Variants in GLDC observed in about 807,000 individuals in gnomAD.
GLDC encodes the protein glycine dehydrogenase (decarboxylating), mitochondrial.
In GLDC, 104 loss-of-function variants were observed where a neutral mutation model predicts 121.3. The ratio of observed to expected loss-of-function variants is 0.86; its 90% CI spans 0.73 to 1.01. GLDC has a LOEUF of 1.01. Ranked by LOEUF, GLDC falls within the 50% of genes least tolerant of loss-of-function variation. The pLI is 0.00. For missense variants in GLDC, 1,429 were observed against 1,306.6 expected, an observed-to-expected ratio of 1.09 and a Z score of -1.44; for synonymous variants, 546 against 480.6, an observed-to-expected ratio of 1.14 and a Z score of -1.78.
intron 15 of GLDC, chr9:6,565,717 GTTA>G: frequency 1.7e-6 from 1 of 579,040 alleles, no homozygotes. Context: ...ATAGCCTTTT[GTTA>G]TTATGAAAAA....
At chr9:6,610,017 T>C (rs1818818715) in intron 4 of GLDC, among the ~76,000 whole-genome samples, 175 bp downstream of exon 4, 1 of 152,174 alleles carries the variant, frequency 6.6e-6, no homozygotes, top group Non-Finnish European at 1.5e-5. Flanking sequence ...AGAAGGACCC[T>C]GAGAGGAAAT....
chr9:6,623,339 C>T (rs1210149819), intron 2 of GLDC, among the ~76,000 whole-genome samples: 1 of 141,718 alleles, frequency 7.1e-6, no homozygotes, highest in Non-Finnish European at 1.5e-5. Flanking sequence ...CTCTCTGAAA[C>T]ATGTGCTGTG....
chr9:6,558,427 C>G (rs1817679886), intron 17 of GLDC, 132 bp downstream of exon 17: 1 of 1,041,798 alleles, frequency 9.6e-7, no homozygotes, highest in Non-Finnish European at 1.5e-6. Flanking sequence ...AGAGTAGACT[C>G]TGGTCAAAGG....
chr9:6,624,031 G>T (rs993559257), intron 2 of GLDC, among the ~76,000 whole-genome samples: 1 of 152,208 alleles, frequency 6.6e-6, no homozygotes, highest in Non-Finnish European at 1.5e-5. Flanking sequence ...CTGTCAAACT[G>T]AGTTTAGCCT....
In GLDC at chr9:6,620,209, G is replaced by A. The variant is rs183024300; in HGVS notation, c.445C>T (p.Arg149Trp). 3.8e-5 allele frequency: 62 copies of A among 1,613,174 alleles called. No individual in the cohort carries two copies. The highest frequency in any genetic ancestry group is 6.7e-5 in the East Asian group (3 of 44,874). Residue 149 changes from arginine (R) to tryptophan (W), a missense_variant, in exon 3 of 25, where the codon CGG (arginine) becomes TGG (tryptophan). Coordinates refer to ENST00000321612, the MANE Select transcript of GLDC (RefSeq NM_000170.3). Reference protein sequence around the residue: ...YNCSVPQTILRNLLENSGWIT... With the variant: ...YNCSVPQTILWNLLENSGWIT... ...CATCCTGAGTTCTCCAGTAAGTTCC[G>A]CAAAATCGTCTGTGGCACTGAGCAG...
At chr9:6,619,007 C>CT (rs1353530644) in intron 3 of GLDC, among the ~76,000 whole-genome samples, 2 of 151,672 alleles carry the variant, frequency 1.3e-5, no homozygotes, top group Non-Finnish European at 2.9e-5. Context: ...CCCAGGCACA[C>CT]TGGCAGGCAC....
intron 20 of GLDC, among the ~76,000 whole-genome samples, chr9:6,552,970 G>C (rs990916172): frequency 3.3e-5 from 5 of 151,290 alleles, no homozygotes; most frequent in Non-Finnish European, 7.4e-5. Context: ...ATATATAGCA[G>C]GATCTCAGCA....
intron 3 of GLDC, among the ~76,000 whole-genome samples, chr9:6,611,437 TCC>T (rs1818852699): frequency 6.6e-6 from 1 of 152,000 alleles, no homozygotes; most frequent in Admixed American, 6.6e-5. Flanking sequence ...GTGCCTGTAG[TCC>T]CAGCTACTCA....
At chr9:6,591,784 A>G (rs4504696) in intron 11 of GLDC, 3,660 of 287,432 alleles carry the variant, frequency 0.013, 120 homozygotes, top group African/African-American at 0.075. Context: ...GGGTTTCTCC[A>G]TGTTGGTCAG....
intron 20 of GLDC, among the ~76,000 whole-genome samples, chr9:6,553,160 A>G (rs1817550412): frequency 6.6e-6 from 1 of 152,196 alleles, no homozygotes; most frequent in Non-Finnish European, 1.5e-5. Flanking sequence ...ACCCAAAAGA[A>G]GTAGTGTAAT....
chr9:6,617,917 C>CA (rs1818997625), intron 3 of GLDC, among the ~76,000 whole-genome samples: 1 of 152,214 alleles, frequency 6.6e-6, no homozygotes, highest in Non-Finnish European at 1.5e-5. Context: ...AGCCTGCATT[C>CA]CCTTAAGTAA....
At chr9:6,536,762 A>G (rs1817137582) in intron 22 of GLDC, among the ~76,000 whole-genome samples, 1 of 152,212 alleles carries the variant, frequency 6.6e-6, no homozygotes, top group South Asian at 2.1e-4. Context: ...TAAAAATATT[A>G]TAGCTTATCA....
At chr9:6,606,542 A>C (rs1295356373) in intron 5 of GLDC, 50 bp downstream of exon 5, 11 of 1,027,126 alleles carry the variant, frequency 1.1e-5, no homozygotes, top group Non-Finnish European at 1.7e-5. Context: ...GAAACAGCAG[A>C]GATGAACATG....
At chr9:6,581,937 TG>T (rs1201290588) in intron 15 of GLDC, among the ~76,000 whole-genome samples, 1 of 152,058 alleles carries the variant, frequency 6.6e-6, no homozygotes, top group Non-Finnish European at 1.5e-5. Context: ...ACATATAGGC[TG>T]GGCGTGGTGT....
At chr9:6,558,298 A>T in intron 17 of GLDC, 1 of 603,454 alleles carries the variant, frequency 1.7e-6, no homozygotes, top group Admixed American at 2.9e-5. Context: ...ATTGGGCAGA[A>T]AGAGGCAGGC....
chr9:6,543,211 G>T (rs914070783), intron 21 of GLDC, among the ~76,000 whole-genome samples: 3 of 152,090 alleles, frequency 2.0e-5, no homozygotes, highest in Admixed American at 6.6e-5. Context: ...GGAGGTTGAG[G>T]CTGCAATGAG....
intron 3 of GLDC, among the ~76,000 whole-genome samples, chr9:6,611,345 CAGG>C (rs1285914895): frequency 6.6e-6 from 1 of 152,212 alleles, no homozygotes; most frequent in African/African-American, 2.4e-5. Flanking sequence ...ATCACGAGGT[CAGG>C]AGATCGAGAC....
chr9:6,624,191 G>A (rs1819184136), intron 2 of GLDC, among the ~76,000 whole-genome samples: 1 of 152,212 alleles, frequency 6.6e-6, no homozygotes, highest in South Asian at 2.1e-4. Context: ...TGGATAAGAG[G>A]AGTGTTACAA....
chr9:6,638,703 A>C (rs13302566), intron 2 of GLDC, among the ~76,000 whole-genome samples: 1 of 152,060 alleles, frequency 6.6e-6, no homozygotes, highest in East Asian at 1.9e-4. Context: ...GGAGATAGTG[A>C]CTATGTTTAT....
Sources: gnomAD v4.1 joint callset for allele counts (sites outside exome capture counted in the v4.1 genomes callset) on GRCh38, gnomAD v4.1.1 for gene constraint, MANE v1.5 for transcripts, NCBI Gene and HGNC (gene_info 2026-07-23, HGNC 2026-07-21) for gene names.